Variants in GABRB2 observed in about 807,000 individuals in gnomAD.
GABRB2 encodes the protein gamma-aminobutyric acid receptor subunit beta-2.
In GABRB2, 16 loss-of-function variants were observed where a neutral mutation model predicts 54.7. That is an observed-to-expected ratio of 0.29 (90% CI 0.20 to 0.44). The LOEUF is 0.44. Ranked by LOEUF, GABRB2 falls within the 20% of genes least tolerant of loss-of-function variation. The pLI is 1.00. For missense variants in GABRB2, 355 were observed against 644.0 expected, an observed-to-expected ratio of 0.55 and a Z score of 4.86; for synonymous variants, 244 against 233.8, an observed-to-expected ratio of 1.04 and a Z score of -0.40.
At chr5:161,390,614 C>T (rs768186194) in intron 5 of GABRB2, among the ~76,000 whole-genome samples, 5 of 151,920 alleles carry the variant, frequency 3.3e-5, no homozygotes, top group East Asian at 1.9e-4. Flanking sequence ...TAACATTAGG[C>T]GAAGTTGGGT....
intron 4 of GABRB2, among the ~76,000 whole-genome samples, chr5:161,421,662 C>G (rs1756857430): frequency 6.6e-6 from 1 of 152,116 alleles, no homozygotes; most frequent in Admixed American, 6.5e-5. Context: ...CAACATCAGA[C>G]AGACCCCTCA....
At chr5:161,506,503 A>G (rs973186536) in intron 3 of GABRB2, among the ~76,000 whole-genome samples, 7 of 152,174 alleles carry the variant, frequency 4.6e-5, no homozygotes, top group Non-Finnish European at 1.5e-5. Context: ...AATAAATAGC[A>G]AATAATTTTC....
chr5:161,415,785 G>A (rs540489571), intron 4 of GABRB2, among the ~76,000 whole-genome samples: 99 of 151,834 alleles, frequency 6.5e-4, no homozygotes, highest in African/African-American at 2.3e-3. Context: ...GCTAATTTTT[G>A]TATTTTTAGT....
At chr5:161,470,097 C>T (rs1758395577) in intron 3 of GABRB2, among the ~76,000 whole-genome samples, 1 of 151,030 alleles carries the variant, frequency 6.6e-6, no homozygotes, top group Non-Finnish European at 1.5e-5. Context: ...TGGAGAATTG[C>T]TGCCCCTCTT....
At chr5:161,543,829 A>G (rs186812191) in intron 3 of GABRB2, among the ~76,000 whole-genome samples, 53 of 152,312 alleles carry the variant, frequency 3.5e-4, no homozygotes, top group African/African-American at 1.2e-3. Flanking sequence ...GATTTTCATA[A>G]TGTGAGGGAA....
chr5:161,538,955 G>A (rs1405836142), intron 3 of GABRB2, among the ~76,000 whole-genome samples: 1 of 152,200 alleles, frequency 6.6e-6, no homozygotes, highest in East Asian at 1.9e-4. Flanking sequence ...TAAGTTTGTT[G>A]AATGAAATTT....
chr5:161,524,498 G>A (rs1760211998), intron 3 of GABRB2, among the ~76,000 whole-genome samples: 1 of 151,404 alleles, frequency 6.6e-6, no homozygotes, highest in African/African-American at 2.4e-5. Flanking sequence ...TGTACATAAA[G>A]TGAGATTCCA....
chr5:161,342,394 T>C (rs1300141441), intron 5 of GABRB2, among the ~76,000 whole-genome samples: 1 of 152,052 alleles, frequency 6.6e-6, no homozygotes, highest in African/African-American at 2.4e-5. Flanking sequence ...TAGTAAAACT[T>C]GATTTCTGTT....
intron 3 of GABRB2, among the ~76,000 whole-genome samples, chr5:161,532,989 C>T (rs183831894): frequency 1.8e-4 from 27 of 152,148 alleles, no homozygotes; most frequent in Middle Eastern, 3.4e-3. Context: ...AGACACATGC[C>T]GATTCACCTT....
intron 3 of GABRB2, among the ~76,000 whole-genome samples, chr5:161,496,257 A>G (rs1759243329): frequency 6.6e-6 from 1 of 152,158 alleles, no homozygotes; most frequent in Non-Finnish European, 1.5e-5. Context: ...ACCTCCTTAG[A>G]GGATTGTTAG....
chr5:161,513,046 A>G (rs1191150968), intron 3 of GABRB2, among the ~76,000 whole-genome samples: 7 of 151,062 alleles, frequency 4.6e-5, no homozygotes, highest in Non-Finnish European at 8.8e-5. Context: ...GCAAAGATAA[A>G]AAGAAAAAAG....
intron 4 of GABRB2, among the ~76,000 whole-genome samples, chr5:161,443,068 C>T (rs1757512807): frequency 6.6e-6 from 1 of 152,090 alleles, no homozygotes; most frequent in African/African-American, 2.4e-5. Flanking sequence ...ATTGTGTCTG[C>T]AATAACTGGA....
At chr5:161,469,533 CA>C (rs1472168236) in intron 3 of GABRB2, among the ~76,000 whole-genome samples, 1 of 151,260 alleles carries the variant, frequency 6.6e-6, no homozygotes, top group African/African-American at 2.4e-5. Flanking sequence ...AAACAAAAAA[CA>C]AAAAGAAAAC....
At chr5:161,528,941 T>C (rs1488367439) in intron 3 of GABRB2, among the ~76,000 whole-genome samples, 1 of 151,968 alleles carries the variant, frequency 6.6e-6, no homozygotes, top group South Asian at 2.1e-4. Flanking sequence ...GTTTACTAAG[T>C]ATTCTGAGAT....
intron 3 of GABRB2, among the ~76,000 whole-genome samples, chr5:161,543,909 C>A (rs1760892522): frequency 1.3e-5 from 2 of 152,114 alleles, no homozygotes; most frequent in Admixed American, 1.3e-4. Context: ...AAAACTTTCT[C>A]TAAATTAGAA....
chr5:161,368,100 C>A (rs1755022164), intron 5 of GABRB2, among the ~76,000 whole-genome samples: 2 of 137,292 alleles, frequency 1.5e-5, no homozygotes, highest in African/African-American at 2.9e-5. Context: ...AATTTATAAT[C>A]CAATTCTCCC....
intron 5 of GABRB2, among the ~76,000 whole-genome samples, chr5:161,406,436 T>G (rs1167309295): frequency 6.6e-6 from 1 of 151,990 alleles, no homozygotes; most frequent in East Asian, 1.9e-4. Flanking sequence ...TGGGTCTCCT[T>G]GGCTAGATTT....
At chr5:161,426,843 C>G (rs1464583360) in intron 4 of GABRB2, among the ~76,000 whole-genome samples, 1 of 151,628 alleles carries the variant, frequency 6.6e-6, no homozygotes, top group African/African-American at 2.4e-5. Flanking sequence ...CACTTGATCT[C>G]TGGATGAAAA....
intron 3 of GABRB2, among the ~76,000 whole-genome samples, chr5:161,480,132 C>A (rs991176985): frequency 6.6e-6 from 1 of 151,970 alleles, no homozygotes; most frequent in African/African-American, 2.4e-5. Flanking sequence ...AGTCCTTTCT[C>A]TTCCTCTCCA....
Sources: gnomAD v4.1 joint callset for allele counts (sites outside exome capture counted in the v4.1 genomes callset) on GRCh38, gnomAD v4.1.1 for gene constraint, MANE v1.5 for transcripts, NCBI Gene and HGNC (gene_info 2026-07-23, HGNC 2026-07-21) for gene names.